Variants in HMCN1 observed in about 807,000 individuals in gnomAD.
HMCN1 encodes hemicentin 1, also known as hemicentin-1.
HMCN1 carries 321 observed loss-of-function variants against 625.9 expected under a neutral mutation model. The ratio of observed to expected loss-of-function variants is 0.51; its 90% CI spans 0.47 to 0.56. The LOEUF (loss-of-function observed/expected upper bound fraction) is 0.56, where lower values mean the gene tolerates loss of function less well. Ranked by LOEUF, HMCN1 falls within the 20% of genes least tolerant of loss-of-function variation. HMCN1 has a pLI of 0.00. For missense variants in HMCN1, 6,588 were observed against 6,887.3 expected (o/e 0.96, Z 1.54); for synonymous variants, 2,425 against 2,417.6 (o/e 1.00, Z -0.09).
chr1:186,148,090 T>C (rs948506627), intron 93 of HMCN1, among the ~76,000 whole-genome samples: 2 of 152,252 alleles, frequency 1.3e-5, no homozygotes, highest in African/African-American at 2.4e-5. Flanking sequence ...TAAGTTTATG[T>C]AATATTTTAA....
Position 186,027,372 on chromosome 1 carries a change from C to T in HMCN1, c.5749+4219C>T, listed in dbSNP as rs142657377. Among the ~76,000 whole-genome samples, 28 of 152,280 alleles carry T rather than the reference C, an allele frequency of 1.8e-4. No individual in the cohort carries two copies. In the East Asian group the frequency reaches 5.4e-3, roughly 29 times the overall value. ...CAAGTGCGACAGATGTTTCCACAAA[C>T]AAATGATTATTTGGAGTCTAATAGC... is the stretch of plus-strand genomic sequence containing the variant. On this transcript the variant is annotated intron_variant, in intron 36 of 106. Coordinates refer to ENST00000271588, the MANE Select transcript of HMCN1 (RefSeq NM_031935.3).
intron 89 of HMCN1, among the ~76,000 whole-genome samples, chr1:186,140,261 A>G (rs969177291): frequency 6.6e-6 from 1 of 152,190 alleles, no homozygotes. Flanking sequence ...ATCCACGATC[A>G]CACTTGTACT....
intron 36 of HMCN1, among the ~76,000 whole-genome samples, chr1:186,023,391 A>C (rs1339989148): frequency 6.6e-6 from 1 of 151,826 alleles, no homozygotes. Flanking sequence ...AATTAAATAC[A>C]CCATGTGTTT....
At position 185,921,494 on chromosome 1, in the gene HMCN1, C is replaced by T. The variant is rs200022030; in HGVS notation, c.901-885C>T. 5.2e-4 allele frequency among the ~76,000 whole-genome samples: 79 copies of T among 152,284 alleles called. No homozygotes were observed. The East Asian group carries it at 0.012, about 22-fold the overall frequency. On this transcript the variant is annotated intron_variant, in intron 6 of 106. Coordinates refer to ENST00000271588, the MANE Select transcript of HMCN1 (RefSeq NM_031935.3). Reference sequence around the variant, plus strand: ...TGTCCACCAGATTAAAATGTATATACACAAATACGGCTGTCTACCAGATTA... The same window carrying T: ...TGTCCACCAGATTAAAATGTATATATACAAATACGGCTGTCTACCAGATTA...
chr1:186,125,548 A>G (rs1661600527), intron 81 of HMCN1, 56 bp from the exon 82 acceptor site: 1 of 1,338,732 alleles, frequency 7.5e-7, no homozygotes, highest in Admixed American at 1.7e-5. Flanking sequence ...TTTATTGTGA[A>G]TAAAGACATT....
rs373778673 is a variant in HMCN1 at position 186,088,287 on chromosome 1, C to G, written c.9577+11C>G. 8.7e-6 allele frequency: 14 copies of G among 1,611,742 alleles called. No homozygotes were observed. Among genetic ancestry groups the G allele is most frequent in the Admixed American group, 3.3e-5 (2 of 59,794 alleles). ...ACCACAAGCGCATAGGTAAGGCAAC[C>G]ATGCATTTTTGTGTGTGTGTGTGTT... On this transcript the variant is annotated intron_variant, in intron 62 of 106. Transcript: ENST00000271588.
At position 186,145,483 on chromosome 1, in the gene HMCN1, A is replaced by C; in HGVS notation, c.14347A>C (p.Thr4783Pro). ...CNGGQMRRYRTCDNPPPSNGG... is the reference protein window; with the variant it reads ...CNGGQMRRYRPCDNPPPSNGG... ...CGGAGGGCAGATGCGGCGGTACCGC[A>C]CATGTGATAACCCTCCTCCCTCCAA... The change falls in exon 92 of 107, where the codon ACA (threonine) becomes CCA (proline). Residue 4783 changes from threonine to proline, a missense_variant. Around this residue, in one of 3 missense-constraint regions of HMCN1, gnomAD observed 1,954 missense variants for 2,013.1 expected, o/e 0.97. Transcript: ENST00000271588. 6.2e-7 allele frequency: 1 copy of C among 1,613,868 alleles called. No homozygotes were observed. Among genetic ancestry groups the C allele is most frequent in the Non-Finnish European group, 8.5e-7 (1 of 1,179,890 alleles).
At chr1:186,055,820 A>G in intron 45 of HMCN1, 146 bp downstream of exon 45, 1 of 792,480 alleles carries the variant, frequency 1.3e-6, no homozygotes, top group Non-Finnish European at 2.2e-6. Context: ...GGTCAGTCTC[A>G]TCATTTATCC....
intron 28 of HMCN1, 136 bp downstream of exon 28, chr1:186,001,877 T>G (rs1457974038): frequency 5.3e-6 from 4 of 761,652 alleles, no homozygotes; most frequent in Non-Finnish European, 8.5e-6. Context: ...ATTTTTGTCC[T>G]TATTATTTGT....
rs1655529934 is a variant in HMCN1, at chr1:186,032,592, C to T, written c.5750-5342C>T. Among the ~76,000 whole-genome samples, 4 of 152,118 alleles carry T rather than the reference C, an allele frequency of 2.6e-5. No individual in the cohort carries two copies. The South Asian group carries it at 6.2e-4, about 24-fold the overall frequency. On this transcript the variant is annotated intron_variant, in intron 36 of 106. Coordinates refer to ENST00000271588, the MANE Select transcript of HMCN1 (RefSeq NM_031935.3). The stretch of plus-strand genomic sequence containing the variant: ...TACTATGTGAAGAAGAATGTGTTTG[C>T]TTCCCCTTCGGCCATGATTATGTTT...
chr1:185,796,096 C>T (rs963345086), intron 1 of HMCN1, among the ~76,000 whole-genome samples: 1 of 152,188 alleles, frequency 6.6e-6, no homozygotes, highest in Non-Finnish European at 1.5e-5. Context: ...GCACCAGTGA[C>T]TGGGTTTGTG....
Position 185,962,627 on chromosome 1 carries a change from C to T in HMCN1, c.1938C>T (p.Thr646=), listed in dbSNP as rs761384759. 17 of 1,588,236 alleles carry T rather than the reference C, an allele frequency of 1.1e-5. No individual in the cohort carries two copies. Among genetic ancestry groups the T allele is most frequent in the East Asian group, 2.2e-5 (1 of 44,746 alleles). The change falls in exon 12 of 107, where the codon ACC becomes ACT. Residue 646 remains threonine (T), a synonymous_variant. Coordinates refer to ENST00000271588, the MANE Select transcript of HMCN1 (RefSeq NM_031935.3). ...TGYPKPKIAW[T]VNDMFIVGSH... ...ATCCCAAACCAAAGATTGCCTGGACCGTTAACGATATGTTTATCGTGGGTT... is the reference window on the plus strand; with the variant it reads ...ATCCCAAACCAAAGATTGCCTGGACTGTTAACGATATGTTTATCGTGGGTT...
At chr1:185,964,396 T>C (rs72718865) in intron 13 of HMCN1, among the ~76,000 whole-genome samples, 6,152 of 152,208 alleles carry the variant, frequency 0.04, 276 homozygotes, top group African/African-American at 0.11. Flanking sequence ...AAATAAAGGA[T>C]AAAGGAATAA....
At chr1:185,997,294 C>G in intron 24 of HMCN1, 135 bp from the exon 25 acceptor site, 1 of 699,774 alleles carries the variant, frequency 1.4e-6, no homozygotes, top group Non-Finnish European at 2.6e-6. Context: ...TGTTTGGCAA[C>G]TGGAAATAGG....
intron 1 of HMCN1, among the ~76,000 whole-genome samples, chr1:185,804,721 T>C (rs1181314656): frequency 6.6e-6 from 1 of 152,152 alleles, no homozygotes; most frequent in Non-Finnish European, 1.5e-5. Context: ...ATTTCTTAAA[T>C]GTGTCCTTAC....
chr1:185,768,622 G>C (rs1201648866), intron 1 of HMCN1, among the ~76,000 whole-genome samples: 1 of 152,210 alleles, frequency 6.6e-6, no homozygotes, highest in Non-Finnish European at 1.5e-5. Flanking sequence ...TTTAGGGCAA[G>C]TTAATCACAC....
intron 38 of HMCN1, 114 bp downstream of exon 38, chr1:186,039,119 A>T (rs1656029898): frequency 1.3e-6 from 1 of 787,068 alleles, no homozygotes; most frequent in African/African-American, 1.7e-5. Flanking sequence ...TGTCATCTTT[A>T]TGTAAGGGCA....
At chr1:185,831,845 A>G (rs1298763830) in intron 1 of HMCN1, among the ~76,000 whole-genome samples, 2 of 152,186 alleles carry the variant, frequency 1.3e-5, no homozygotes, top group Non-Finnish European at 1.5e-5. Context: ...GAAATAAAAA[A>G]CCTTCTAAGA....
chr1:185,864,841 TG>T (rs1212973344), intron 3 of HMCN1, among the ~76,000 whole-genome samples: 7 of 152,244 alleles, frequency 4.6e-5, no homozygotes, highest in African/African-American at 1.4e-4. Context: ...GTTTTCAGTA[TG>T]GAGAAGACAT....
Sources: gnomAD v4.1 joint callset for allele counts (sites outside exome capture counted in the v4.1 genomes callset) on GRCh38, gnomAD v4.1.1 for gene constraint, gnomAD v4.1.1 regional missense constraint, MANE v1.5 for transcripts, NCBI Gene and HGNC (gene_info 2026-07-23, HGNC 2026-07-21) for gene names.